The following GRB10 variants were observed in gnomAD, a reference collection of about 807,000 sequenced individuals.
GRB10 encodes the protein growth factor receptor bound protein 10, also known as growth factor receptor-bound protein 10.
Under a neutral mutation model 80.9 loss-of-function variants are expected in GRB10, and 20 were observed. That is an observed-to-expected ratio of 0.25 (90% CI 0.17 to 0.36). The LOEUF (loss-of-function observed/expected upper bound fraction) is 0.36. Among genes scored for constraint, GRB10 ranks in the 10% least tolerant of loss-of-function variants. The pLI, the probability that GRB10 is intolerant of heterozygous loss-of-function variation, is 1.00. For synonymous variants in GRB10, 291 were observed against 291.5 expected (o/e 1.00, Z 0.02); for missense variants, 548 against 747.7 (o/e 0.73, Z 3.12).
intron 3 of GRB10, among the ~76,000 whole-genome samples, chr7:50,753,373 C>T (rs970227583): frequency 2.6e-5 from 4 of 152,232 alleles, no homozygotes; most frequent in African/African-American, 9.6e-5. Context: ...CTGGGGCCAT[C>T]TTGTGACCAT....
intron 8 of GRB10, among the ~76,000 whole-genome samples, chr7:50,620,529 C>T (rs894844799): frequency 6.6e-6 from 1 of 152,186 alleles, no homozygotes; most frequent in Admixed American, 6.5e-5. Flanking sequence ...GTGCTCGGCC[C>T]CGGTTTTGAC....
At position 50,618,148 on chromosome 7, in the gene GRB10, A is replaced by G. The variant is rs774792272; in HGVS notation, c.778-9T>C. On this transcript the variant is annotated splice_polypyrimidine_tract_variant and intron_variant, in intron 9 of 18. Coordinates refer to ENST00000401949, the MANE Select transcript of GRB10 (RefSeq NM_001350814.2). ...TGTTCTGGGAAGAAATTCTAAGAAAATGGGAAAAAACAAATACGTAAAAGG... is the reference window on the plus strand; with the variant it reads ...TGTTCTGGGAAGAAATTCTAAGAAAGTGGGAAAAAACAAATACGTAAAAGG... 1.4e-4 allele frequency: 230 copies of G among 1,610,636 alleles called. No homozygotes were observed. The highest frequency in any genetic ancestry group is 1.8e-4 in the Non-Finnish European group (217 of 1,176,914).
chr7:50,738,689 C>A (rs2071216920), intron 3 of GRB10, among the ~76,000 whole-genome samples: 2 of 152,196 alleles, frequency 1.3e-5, no homozygotes. Context: ...TCTAAATCAT[C>A]AGCTGATTTA....
chr7:50,676,345 G>C (rs570716344), intron 5 of GRB10, among the ~76,000 whole-genome samples: 2,265 of 149,254 alleles, frequency 0.015, 177 homozygotes, highest in Non-Finnish European at 0.022. Context: ...CGGGGGGGGG[G>C]GGGGGTTGTA....
At chr7:50,636,640 T>C (rs928426719) in intron 7 of GRB10, among the ~76,000 whole-genome samples, 1 of 151,880 alleles carries the variant, frequency 6.6e-6, no homozygotes, top group African/African-American at 2.4e-5. Flanking sequence ...CATATGATTA[T>C]CTAAATGGAT....
chr7:50,791,182 A>G (rs1299107341), intron 1 of GRB10, among the ~76,000 whole-genome samples: 1 of 152,246 alleles, frequency 6.6e-6, no homozygotes, highest in Non-Finnish European at 1.5e-5. Context: ...TTCTAATTAC[A>G]GTAAACATAA....
At position 50,626,688 on chromosome 7, in the gene GRB10, A is replaced by G; in HGVS notation, c.661+134T>C. The G allele has an allele frequency of 3.1e-6, 3 of 971,340 alleles. No homozygotes were observed. In the Admixed American group the frequency reaches 5.4e-5, roughly 17 times the overall value. 60.2% of individuals were successfully genotyped at this position (971,340 alleles called of 1,614,324 possible). A position where few individuals can be genotyped will look rare whatever the true frequency, so the allele number is the denominator to read the frequency against. ...AATTTTAGGAGAAACAGGAGAGTCG[A>G]GGGGAACCCAGAGACTGCCTGCTAA... On this transcript the variant is annotated intron_variant, in intron 8 of 18. Transcript: ENST00000401949.
intron 13 of GRB10, among the ~76,000 whole-genome samples, chr7:50,610,482 T>C (rs1327577397): frequency 6.6e-6 from 1 of 152,164 alleles, no homozygotes; most frequent in Non-Finnish European, 1.5e-5. Context: ...GGATGCAAAG[T>C]GCTTCCCTGC....
At chr7:50,768,965 C>G (rs970352147) in intron 2 of GRB10, among the ~76,000 whole-genome samples, 1 of 152,170 alleles carries the variant, frequency 6.6e-6, no homozygotes, top group African/African-American at 2.4e-5. Context: ...AAGTGGAGCC[C>G]CATTCACTGG....
chr7:50,742,501 C>T lies in GRB10; in HGVS notation c.-46-10133G>A, dbSNP rs181776063. The stretch of plus-strand genomic sequence containing the variant: ...CCGGACATACAGCATGGGCATCACC[C>T]GGGTGCTTGTTAACACACAAATTCT... On this transcript the variant is annotated intron_variant, in intron 3 of 18. Transcript: ENST00000401949. Among the ~76,000 whole-genome samples, 26 of 152,290 alleles carry T rather than the reference C, an allele frequency of 1.7e-4. 1 individual carries two copies. The highest frequency in any genetic ancestry group is 6.0e-4 in the African/African-American group (25 of 41,564).
chr7:50,621,243 G>C (rs2051676132), intron 8 of GRB10, among the ~76,000 whole-genome samples: 1 of 152,240 alleles, frequency 6.6e-6, no homozygotes, highest in African/African-American at 2.4e-5. Context: ...AAACACACAG[G>C]GGGACGTGTC....
intron 5 of GRB10, among the ~76,000 whole-genome samples, chr7:50,691,997 T>C (rs770418443): frequency 6.6e-6 from 1 of 152,198 alleles, no homozygotes; most frequent in Non-Finnish European, 1.5e-5. Context: ...TAGCCCCCCA[T>C]ATCCACAGAT....
At chr7:50,671,705 T>A (rs1227884774) in intron 6 of GRB10, among the ~76,000 whole-genome samples, 1 of 152,254 alleles carries the variant, frequency 6.6e-6, no homozygotes, top group African/African-American at 2.4e-5. Context: ...CACTTTCCCA[T>A]CCACGGCTTC....
chr7:50,769,930 C>G (rs2076807744), intron 2 of GRB10, among the ~76,000 whole-genome samples: 1 of 152,188 alleles, frequency 6.6e-6, no homozygotes, highest in Non-Finnish European at 1.5e-5. Context: ...CTTCAGTCTT[C>G]CCCCCAGTAA....
In GRB10 at chr7:50,752,343, T is replaced by C. The variant is rs577041551; in HGVS notation, c.-47+3544A>G. 3.3e-5 allele frequency among the ~76,000 whole-genome samples: 5 copies of C among 152,284 alleles called. No individual in the cohort carries two copies. The South Asian group carries it at 1.0e-3, about 32-fold the overall frequency. On this transcript the variant is annotated intron_variant, in intron 3 of 18. Coordinates refer to ENST00000401949, the MANE Select transcript of GRB10 (RefSeq NM_001350814.2). Reference sequence around the variant, plus strand: ...GAAGGCTGAGGCAACATCAAGGTACTTAAGAGTTTCTCTTTCCTACGGGAA... The same window carrying C: ...GAAGGCTGAGGCAACATCAAGGTACCTAAGAGTTTCTCTTTCCTACGGGAA...
chr7:50,632,875 C>T (rs549837187), intron 7 of GRB10, among the ~76,000 whole-genome samples: 1 of 152,276 alleles, frequency 6.6e-6, no homozygotes, highest in South Asian at 2.1e-4. Context: ...TAGACCCCCG[C>T]CAAGGTTGGT....
intron 5 of GRB10, among the ~76,000 whole-genome samples, chr7:50,701,827 TAGTTTCTTGCCTTGTCTTAC>T (rs1308732334): frequency 6.6e-6 from 1 of 152,234 alleles, no homozygotes. Context: ...TTGTGTTTCA[TAGTTTCTTGCCTTGTCTTAC>T]AGACATTATT....
intron 5 of GRB10, among the ~76,000 whole-genome samples, chr7:50,700,479 T>C (rs989559860): frequency 2.0e-5 from 3 of 152,230 alleles, no homozygotes; most frequent in Non-Finnish European, 1.5e-5. Flanking sequence ...GACTGGTGTT[T>C]GATTTTGTTC....
intron 2 of GRB10, among the ~76,000 whole-genome samples, chr7:50,769,695 T>A (rs1454707043): frequency 6.6e-6 from 1 of 152,024 alleles, no homozygotes; most frequent in Admixed American, 6.5e-5. Context: ...CACATCTGTG[T>A]GTGTACTCAA....
Sources: allele counts gnomAD v4.1 joint callset (sites outside exome capture counted in the v4.1 genomes callset), GRCh38; gene constraint gnomAD v4.1.1; transcripts MANE v1.5; gene names NCBI Gene and HGNC (gene_info 2026-07-23, HGNC 2026-07-21).